TMEM116: variants seen among roughly 807,000 people sequenced by gnomAD.
TMEM116 encodes the protein transmembrane protein 116.
A neutral mutation model predicts 44.3 loss-of-function variants in TMEM116; 38 were observed. The ratio of observed to expected loss-of-function variants is 0.86; its 90% CI spans 0.66 to 1.12. TMEM116 has a LOEUF of 1.12. Ranked by LOEUF, TMEM116 falls within the 50% of genes most tolerant of loss-of-function variation. The probability of loss-of-function intolerance (pLI) is 0.00; values close to 1 mark genes in which losing one functional copy is unlikely to be tolerated. For missense variants in TMEM116, 354 were observed against 401.7 expected (o/e 0.88, Z 1.01); for synonymous variants, 132 against 144.8 (o/e 0.91, Z 0.64).
intron 4 of TMEM116, among the ~76,000 whole-genome samples, chr12:111,977,354 C>T (rs1395727004): frequency 2.0e-5 from 3 of 152,154 alleles, no homozygotes; most frequent in Non-Finnish European, 2.9e-5. Flanking sequence ...ACCTAGAATT[C>T]TGTTTCCAGT....
intron 4 of TMEM116, among the ~76,000 whole-genome samples, chr12:111,956,848 A>T (rs998827439): frequency 2.6e-5 from 4 of 151,842 alleles, no homozygotes; most frequent in African/African-American, 7.3e-5. Context: ...GAGTGGCGTG[A>T]TCTCGGATCG....
intron 1 of TMEM116, 190 bp from the exon 2 acceptor site, chr12:112,005,493 T>C (rs1475134720): frequency 2.1e-6 from 1 of 483,502 alleles, no homozygotes; most frequent in African/African-American, 2.0e-5. Flanking sequence ...TTTTTTCCTC[T>C]CTTATTTCTA....
intron 8 of TMEM116, chr12:111,936,107 T>C (rs2072142740): frequency 6.6e-6 from 1 of 152,128 alleles, no homozygotes; most frequent in East Asian, 1.9e-4. Context: ...AAAATAGATA[T>C]GGGAAATACA....
intron 4 of TMEM116, among the ~76,000 whole-genome samples, chr12:111,986,307 C>T (rs927924017): frequency 1.3e-5 from 2 of 152,072 alleles, no homozygotes; most frequent in African/African-American, 4.8e-5. Context: ...TGCAGTGAGC[C>T]ACGATCATGC....
At chr12:111,987,172 T>C (rs1355485951) in intron 4 of TMEM116, among the ~76,000 whole-genome samples, 2 of 152,176 alleles carry the variant, frequency 1.3e-5, no homozygotes, top group South Asian at 2.1e-4. Flanking sequence ...TAAAGAACTC[T>C]TACAGCTCAG....
intron 4 of TMEM116, among the ~76,000 whole-genome samples, chr12:111,947,255 T>G (rs2073363142): frequency 6.6e-6 from 1 of 151,960 alleles, no homozygotes; most frequent in Non-Finnish European, 1.5e-5. Flanking sequence ...TGACATGTGA[T>G]CCTGTTTTGA....
chr12:111,994,016 C>T, intron 3 of TMEM116: 1 of 572,920 alleles, frequency 1.7e-6, no homozygotes. Context: ...TGCCCTCCCC[C>T]AAGATGCCAG....
intron 4 of TMEM116, among the ~76,000 whole-genome samples, chr12:111,986,350 C>A (rs941138702): frequency 1.3e-4 from 20 of 151,930 alleles, no homozygotes; most frequent in Admixed American, 8.5e-4. Flanking sequence ...CAGAGCAAGA[C>A]CCTGTCTCAA....
rs1379753913 is a variant in TMEM116, at chr12:111,931,629, T to C, written c.1006A>G (p.Ile336Val). ...TLTFPASTST[I>V]F ...GTTCCAGTATTGTAGTTTCAAAAAA[T>C]GGTAGAAGTACTGGCAGGAAAAGTC... The change falls in exon 11 of 11, where the codon ATT (isoleucine) becomes GTT (valine). Residue 336 changes from isoleucine (I) to valine (V), a missense_variant. By Grantham distance (29) the Ile-to-Val change is conservative. Transcript: ENST00000552374. 6.2e-7 allele frequency: 1 copy of C among 1,614,038 alleles called. No individual in the cohort carries two copies.
At chr12:111,978,160 G>A (rs528611530) in intron 4 of TMEM116, among the ~76,000 whole-genome samples, 1 of 151,080 alleles carries the variant, frequency 6.6e-6, no homozygotes, top group East Asian at 1.9e-4. Flanking sequence ...CCAGCACTTT[G>A]GGAGGCCGAG....
chr12:111,938,258 T>C (rs901136745), intron 5 of TMEM116, 48 bp from the exon 6 acceptor site: 3 of 1,370,894 alleles, frequency 2.2e-6, no homozygotes, highest in Non-Finnish European at 3.0e-6. Context: ...TTGTCAATCA[T>C]ATAATAATAA....
chr12:112,009,983 T>C lies in TMEM116; in HGVS notation c.-34+3019A>G, dbSNP rs374852091. On this transcript the variant is annotated intron_variant, in intron 1 of 10. Coordinates refer to ENST00000552374, the MANE Select transcript of TMEM116 (RefSeq NM_001193531.2). Reference sequence around the variant, plus strand: ...TAATTTTAGAAGTTTAAATGTTTTATAAAGAAATTTTAAAACTCTTAATAG... The same window carrying C: ...TAATTTTAGAAGTTTAAATGTTTTACAAAGAAATTTTAAAACTCTTAATAG... Among the ~76,000 whole-genome samples, 4 of 152,348 alleles carry C rather than the reference T, an allele frequency of 2.6e-5. No homozygotes were observed. In the East Asian group the frequency reaches 5.8e-4, roughly 22 times the overall value.
intron 4 of TMEM116, among the ~76,000 whole-genome samples, chr12:111,948,955 G>A (rs962638042): frequency 6.7e-6 from 1 of 149,256 alleles, no homozygotes; most frequent in Non-Finnish European, 1.5e-5. Context: ...GCATGGTGGT[G>A]CACACCTGCA....
At chr12:111,969,781 T>C (rs749856417) in intron 4 of TMEM116, among the ~76,000 whole-genome samples, 5 of 143,704 alleles carry the variant, frequency 3.5e-5, no homozygotes, top group African/African-American at 1.3e-4. Context: ...GGTTTCTCCA[T>C]GTTGGCTAGG....
At chr12:111,992,396 A>C (rs558609035) in intron 3 of TMEM116, among the ~76,000 whole-genome samples, 2 of 152,118 alleles carry the variant, frequency 1.3e-5, no homozygotes, top group African/African-American at 4.8e-5. Flanking sequence ...CAGCCTCTCA[A>C]GTAGCTGGGA....
At chr12:111,956,547 T>C (rs1305760048) in intron 4 of TMEM116, among the ~76,000 whole-genome samples, 2 of 152,250 alleles carry the variant, frequency 1.3e-5, no homozygotes, top group African/African-American at 4.8e-5. Context: ...CTTTGCACGG[T>C]CTCCCTCTAA....
chr12:111,957,752 G>GCCA (rs2074257880), intron 4 of TMEM116, among the ~76,000 whole-genome samples: 1 of 152,222 alleles, frequency 6.6e-6, no homozygotes, highest in Non-Finnish European at 1.5e-5. Context: ...CCTCTGCCCG[G>GCCA]CCACCACCCC....
chr12:112,007,626 A>G (rs535976241), intron 1 of TMEM116, among the ~76,000 whole-genome samples: 1 of 152,188 alleles, frequency 6.6e-6, no homozygotes, highest in Non-Finnish European at 1.5e-5. Context: ...TAAGGCCTCT[A>G]CTCATACATC....
intron 3 of TMEM116, among the ~76,000 whole-genome samples, chr12:112,000,258 T>G (rs2077178312): frequency 6.6e-6 from 1 of 152,200 alleles, no homozygotes; most frequent in Non-Finnish European, 1.5e-5. Context: ...AATTACCTAT[T>G]TATCATTTTA....
Sources: allele counts gnomAD v4.1 joint callset (sites outside exome capture counted in the v4.1 genomes callset), GRCh38; gene constraint gnomAD v4.1.1; transcripts MANE v1.5; gene names NCBI Gene and HGNC (gene_info 2026-07-23, HGNC 2026-07-21).